ITIH6: variants seen among roughly 807,000 people sequenced by gnomAD.
The protein encoded by ITIH6 is inter-alpha-trypsin inhibitor heavy chain family member 6.
Under a neutral mutation model 58.2 loss-of-function variants are expected in ITIH6, and 60 were observed. The ratio of observed to expected loss-of-function variants is 1.03; its 90% CI spans 0.84 to 1.28. The LOEUF (loss-of-function observed/expected upper bound fraction) is 1.28, where lower values mean the gene tolerates loss of function less well. ITIH6 is among the 50% of genes most tolerant of loss of function. ITIH6 has a pLI of 0.00. For missense variants in ITIH6, 1,290 were observed against 1,021.1 expected (o/e 1.26, Z -3.59); for synonymous variants, 493 against 417.4 (o/e 1.18, Z -2.21).
At chrX:54,792,440 C>G (rs1012886428) in intron 2 of ITIH6, among the ~76,000 whole-genome samples, 1 of 112,063 alleles carries the variant, frequency 8.9e-6, no homozygotes, top group African/African-American at 3.2e-5. Context: ...ACAACTAGCA[C>G]ATTAAACCCA....
At chrX:54,751,460 A>T in intron 11 of ITIH6, 80 bp from the exon 12 acceptor site, 2 of 1,092,900 alleles carry the variant, frequency 1.8e-6, no homozygotes, top group Non-Finnish European at 2.5e-6. Flanking sequence ...TGGGCAGATG[A>T]AGTAGTGCAG....
chrX:54,786,940 G>A (rs1010051145), intron 5 of ITIH6, among the ~76,000 whole-genome samples: 3 of 111,590 alleles, frequency 2.7e-5, no homozygotes, highest in African/African-American at 9.8e-5. Context: ...TGAACGAAGG[G>A]CACACTCAAG....
At position 54,771,836 on chromosome X, in the gene ITIH6, A is replaced by C. The variant is rs193105669; in HGVS notation, c.903+2245T>G. 1.6e-3 allele frequency among the ~76,000 whole-genome samples: 174 copies of C among 112,124 alleles called. 2 individuals carry two copies. The highest frequency in any genetic ancestry group is 4.5e-3 in the African/African-American group (140 of 30,866). ...TGGCTATTATTAAATAGTTAAAAAA[A>C]AACAACAACAACAGATGCTGGCAAG... On this transcript the variant is annotated intron_variant, in intron 6 of 12. Coordinates refer to ENST00000218436, the MANE Select transcript of ITIH6 (RefSeq NM_198510.3).
chrX:54,792,046 C>A lies in ITIH6; in HGVS notation c.258-10G>T. The stretch of plus-strand genomic sequence containing the variant: ...TTTATTGTTGATGGTCCTAATGGGG[C>A]AGGAAAGAGGAGGGACAGTAGAGAC... On this transcript the variant is annotated splice_polypyrimidine_tract_variant and intron_variant, in intron 2 of 12. Coordinates refer to ENST00000218436, the MANE Select transcript of ITIH6 (RefSeq NM_198510.3). 1 of 1,151,502 alleles carries A rather than the reference C, an allele frequency of 8.7e-7. No homozygotes were observed. The highest frequency in any genetic ancestry group is 1.2e-6 in the Non-Finnish European group (1 of 842,036). 94.9% of individuals were successfully genotyped at this position (1,151,502 alleles called of 1,213,427 possible).
chrX:54,792,167 C>T (rs911405277), intron 2 of ITIH6, 131 bp from the exon 3 acceptor site: 20 of 441,694 alleles, frequency 4.5e-5, no homozygotes, highest in Non-Finnish European at 7.9e-5. Context: ...AACACAGTGC[C>T]ATAAAGCCCC....
Position 54,758,860 on chromosome X carries a change from G to A in ITIH6, c.1214C>T (p.Thr405Met), listed in dbSNP as rs201535648. The A allele has an allele frequency of 4.3e-5, 52 of 1,209,509 alleles. No homozygotes were observed. In the South Asian group the frequency reaches 5.6e-4, roughly 13 times the overall value. ...ATTGGAGAGGATCACACTGGGGGTC[G>A]TCACGCCGGCCGTGGGCTCCCCATC... ...LTDGEPTAGV[T>M]TPSVILSNVR... Residue 405 changes from threonine (T) to methionine (M), a missense_variant, in exon 8 of 13, where the codon ACG (threonine) becomes ATG (methionine). Transcript: ENST00000218436.
intron 5 of ITIH6, 108 bp downstream of exon 5, chrX:54,788,372 C>T: frequency 1.5e-6 from 1 of 662,434 alleles, no homozygotes; most frequent in Middle Eastern, 4.9e-4. Context: ...TGTTCCCTAG[C>T]CCTTGCTTAT....
At position 54,755,150 on chromosome X, in the gene ITIH6, A is replaced by T. The variant is rs1928460931; in HGVS notation, c.3110-41T>A. The T allele has an allele frequency of 2.7e-6, 3 of 1,102,366 alleles. No individual in the cohort carries two copies. In the Admixed American group the frequency reaches 6.7e-5, roughly 25 times the overall value. 90.8% of individuals were successfully genotyped at this position (1,102,366 alleles called of 1,213,427 possible). Reference sequence around the variant, plus strand: ...GAAATAAGAAAACCCTTCAAATTCCAGGGGCAAAGTCTCAAAATCTTTCTG... The same window carrying T: ...GAAATAAGAAAACCCTTCAAATTCCTGGGGCAAAGTCTCAAAATCTTTCTG... On this transcript the variant is annotated intron_variant, in intron 8 of 12. Transcript: ENST00000218436.
At chrX:54,762,286 T>A (rs1928663964) in intron 6 of ITIH6, among the ~76,000 whole-genome samples, 1 of 111,614 alleles carries the variant, frequency 9.0e-6, no homozygotes, top group East Asian at 2.8e-4. Context: ...GCACATTGAT[T>A]TTGTATCCTG....
At chrX:54,761,209 T>G (rs1479588218) in intron 6 of ITIH6, among the ~76,000 whole-genome samples, 2 of 112,650 alleles carry the variant, frequency 1.8e-5, no homozygotes, top group Admixed American at 1.9e-4. Context: ...CATTTTTTCA[T>G]ATGTCTGTTG....
At chrX:54,759,314 C>G (rs768358155) in intron 7 of ITIH6, among the ~76,000 whole-genome samples, 8 of 111,450 alleles carry the variant, frequency 7.2e-5, no homozygotes, top group Admixed American at 1.9e-4. Flanking sequence ...TAGCACCCCC[C>G]CCTCCAACCT....
intron 6 of ITIH6, among the ~76,000 whole-genome samples, chrX:54,761,520 C>T (rs370851817): frequency 2.9e-4 from 32 of 110,943 alleles, no homozygotes; most frequent in African/African-American, 6.2e-4. Context: ...CCCATGCCTA[C>T]GTCCTGAATG....
intron 5 of ITIH6, among the ~76,000 whole-genome samples, chrX:54,777,465 G>A (rs1196923434): frequency 1.8e-5 from 2 of 112,349 alleles, no homozygotes; most frequent in African/African-American, 3.2e-5. Context: ...GAACATAGGC[G>A]GAAGCCAGGA....
rs145703310 is a variant in ITIH6, at chrX:54,778,240, G to A, written c.787-4043C>T. 3.2e-3 allele frequency among the ~76,000 whole-genome samples: 341 copies of A among 105,919 alleles called. 1 individual carries two copies. The highest frequency in any genetic ancestry group is 9.6e-3 in the Middle Eastern group (2 of 209). 92.0% of individuals were successfully genotyped at this position (105,919 alleles called of 115,157 possible). ...GACAGAGTCTCCCTCCGTCACCCAG[G>A]CTGGAGTGCAGTGGCACGATGTTGG... On this transcript the variant is annotated intron_variant, in intron 5 of 12. Transcript: ENST00000218436.
At position 54,777,065 on chromosome X, in the gene ITIH6, G is replaced by C. The variant is rs186864244; in HGVS notation, c.787-2868C>G. 2.7e-5 allele frequency among the ~76,000 whole-genome samples: 3 copies of C among 112,200 alleles called. No individual in the cohort carries two copies. In the Admixed American group the frequency reaches 2.8e-4, roughly 11 times the overall value. On this transcript the variant is annotated intron_variant, in intron 5 of 12. Transcript: ENST00000218436. Reference sequence around the variant, plus strand: ...TCCGGGCCTGCCCTAGGCCAGAGAAGAGCCTACTGCCCTGAAAGGTGAGGC... The same window carrying C: ...TCCGGGCCTGCCCTAGGCCAGAGAACAGCCTACTGCCCTGAAAGGTGAGGC...
At chrX:54,768,823 A>G (rs1216361706) in intron 6 of ITIH6, among the ~76,000 whole-genome samples, 1 of 104,032 alleles carries the variant, frequency 9.6e-6, no homozygotes. Flanking sequence ...TTTTTCCTTC[A>G]TTTCAACTTT....
At chrX:54,782,321 C>T (rs2147616953) in intron 5 of ITIH6, among the ~76,000 whole-genome samples, 1 of 111,607 alleles carries the variant, frequency 9.0e-6, no homozygotes, top group African/African-American at 3.3e-5. Flanking sequence ...GAGGCTGAGG[C>T]AGGAGAATCG....
At position 54,776,337 on chromosome X, in the gene ITIH6, G is replaced by A. The variant is rs139042519; in HGVS notation, c.787-2140C>T. ...CCGCCATGGACTAAAGTGCTCTAGG[G>A]CTCTAAATAAACTTGAAAGACAGCC... On this transcript the variant is annotated intron_variant, in intron 5 of 12. Coordinates refer to ENST00000218436, the MANE Select transcript of ITIH6 (RefSeq NM_198510.3). Among the ~76,000 whole-genome samples the A allele has an allele frequency of 6.3e-5, 7 of 111,138 alleles. No homozygotes were observed. In the East Asian group the frequency reaches 2.0e-3, roughly 32 times the overall value.
chrX:54,759,989 G>C (rs1928602505), intron 6 of ITIH6, 62 bp from the exon 7 acceptor site: 6 of 948,473 alleles, frequency 6.3e-6, no homozygotes, highest in African/African-American at 3.9e-5. Flanking sequence ...AGATTGAAAG[G>C]CTTTTTCTAC....
Sources: gnomAD v4.1 joint callset for allele counts (sites outside exome capture counted in the v4.1 genomes callset) on GRCh38, gnomAD v4.1.1 for gene constraint, MANE v1.5 for transcripts, NCBI Gene and HGNC (gene_info 2026-07-23, HGNC 2026-07-21) for gene names.